The following MAPK8 variants were observed in gnomAD, a reference collection of about 807,000 sequenced individuals.
The protein encoded by MAPK8 is mitogen-activated protein kinase 8, also known as JUN N-terminal kinase.
Under a neutral mutation model 52.9 loss-of-function variants are expected in MAPK8, and 13 were observed. The ratio of observed to expected loss-of-function variants is 0.25; its 90% CI spans 0.16 to 0.39. MAPK8 has a LOEUF of 0.39. Among genes scored for constraint, MAPK8 ranks in the 10% least tolerant of loss-of-function variants. The pLI is 1.00. For missense variants in MAPK8, 300 were observed against 519.2 expected (o/e 0.58, Z 4.10); for synonymous variants, 191 against 169.8 (o/e 1.12, Z -0.97).
intron 1 of MAPK8, among the ~76,000 whole-genome samples, chr10:48,374,882 A>C (rs2132664215): frequency 1.3e-5 from 2 of 152,348 alleles, no homozygotes; most frequent in African/African-American, 4.8e-5. Flanking sequence ...TCTGTAACTC[A>C]TTTTATGAGG....
At position 48,373,514 on chromosome 10, in the gene MAPK8, GAC is replaced by G. The variant is rs1195272940; in HGVS notation, c.-49-28092_-49-28091del. On this transcript the variant is annotated intron_variant, in intron 1 of 11. Transcript: ENST00000374189. The stretch of plus-strand genomic sequence containing the variant: ...TCAGGAGACCCATTTCACGTGCAAA[GAC>G]ACACATAAGCTCAAAATAAAGGGGT... 6.1e-5 allele frequency among the ~76,000 whole-genome samples: 7 copies of G among 114,778 alleles called. No homozygotes were observed. The South Asian group carries it at 1.6e-3, about 26-fold the overall frequency. The allele number at this position is 114,778 out of a possible 152,430, so 75.3% of individuals were successfully genotyped here.
intron 1 of MAPK8, among the ~76,000 whole-genome samples, chr10:48,324,503 G>GTTTTTTTTTTTTTGTTTTTTTTTTTTTTT (rs529248037): frequency 5.1e-5 from 6 of 118,016 alleles, no homozygotes; most frequent in African/African-American, 2.1e-4. Context: ...CTGTTTTCTA[G>GTTTTTTTTTTTTTGTTTTTTTTTTTTTTT]TTTTTTTTTT....
At chr10:48,342,948 A>G (rs1845444474) in intron 1 of MAPK8, among the ~76,000 whole-genome samples, 1 of 152,208 alleles carries the variant, frequency 6.6e-6, no homozygotes, top group African/African-American at 2.4e-5. Flanking sequence ...ATATAGAAAG[A>G]GAAGAGCAGT....
At chr10:48,363,034 T>A (rs965746148) in intron 1 of MAPK8, among the ~76,000 whole-genome samples, 3 of 152,164 alleles carry the variant, frequency 2.0e-5, no homozygotes, top group African/African-American at 7.2e-5. Context: ...CCGCCACACC[T>A]AGCGTGGTAT....
intron 5 of MAPK8, chr10:48,410,412 G>C (rs781403792): frequency 5.9e-6 from 2 of 341,008 alleles, no homozygotes; most frequent in Non-Finnish European, 1.1e-5. Flanking sequence ...TTGCCTTTAT[G>C]TTTCCATTTA....
At chr10:48,361,955 A>T (rs938352320) in intron 1 of MAPK8, among the ~76,000 whole-genome samples, 3 of 152,128 alleles carry the variant, frequency 2.0e-5, no homozygotes, top group African/African-American at 7.2e-5. Context: ...TTGACTAGCA[A>T]ATTTCATTGA....
At chr10:48,382,475 G>T (rs1038740091) in intron 1 of MAPK8, among the ~76,000 whole-genome samples, 1 of 151,982 alleles carries the variant, frequency 6.6e-6, no homozygotes, top group East Asian at 1.9e-4. Flanking sequence ...AGATTTCATA[G>T]CTTTGATATA....
intron 1 of MAPK8, among the ~76,000 whole-genome samples, chr10:48,385,082 A>G (rs1226454466): frequency 1.3e-5 from 2 of 152,224 alleles, no homozygotes; most frequent in African/African-American, 4.8e-5. Context: ...TTTATTGTCT[A>G]TACATTGTTG....
intron 1 of MAPK8, among the ~76,000 whole-genome samples, chr10:48,392,293 T>C (rs1589163620): frequency 6.6e-6 from 1 of 152,152 alleles, no homozygotes; most frequent in East Asian, 1.9e-4. Context: ...GAAAGGAGGA[T>C]GGGAAAATCA....
intron 1 of MAPK8, among the ~76,000 whole-genome samples, chr10:48,346,955 C>T (rs1334172988): frequency 6.6e-6 from 1 of 152,204 alleles, no homozygotes; most frequent in Non-Finnish European, 1.5e-5. Context: ...TACCCTGCCC[C>T]TTCTGCCTTG....
Position 48,369,993 on chromosome 10 carries a change from G to A in MAPK8, c.-49-31619G>A, listed in dbSNP as rs75553868. 6.4e-4 allele frequency among the ~76,000 whole-genome samples: 97 copies of A among 152,116 alleles called. 1 individual carries two copies. In the East Asian group the frequency reaches 0.017, roughly 27 times the overall value. ...CTTGAGCTATAAGGAGAAAGAGTGG[G>A]TAGAGATGATTATGACAGCGAAGTA... On this transcript the variant is annotated intron_variant, in intron 1 of 11. Transcript: ENST00000374189.
chr10:48,339,807 A>G (rs1845066889), intron 1 of MAPK8, among the ~76,000 whole-genome samples: 1 of 152,256 alleles, frequency 6.6e-6, no homozygotes, highest in Non-Finnish European at 1.5e-5. Flanking sequence ...AATAATGTGC[A>G]ACATCACTAA....
rs1298111515 is a variant in MAPK8, at chr10:48,437,955, TCAG to T, written c.*2930_*2932del. 3 of 152,258 alleles carry T rather than the reference TCAG, an allele frequency of 2.0e-5. No homozygotes were observed. The highest frequency in any genetic ancestry group is 4.1e-4 in the South Asian group (2 of 4,834). 9.4% of individuals were successfully genotyped at this position (152,258 alleles called of 1,614,324 possible). On this transcript the variant is annotated 3_prime_UTR_variant, in exon 12 of 12. Coordinates refer to ENST00000374189, the MANE Select transcript of MAPK8 (RefSeq NM_001323329.2). The stretch of plus-strand genomic sequence containing the variant: ...ACATCAGTGTCTGATAGTGAAATCA[TCAG>T]CAGGAAAGTGAAGCTCTTTCCTTGG...
chr10:48,398,636 A>T (rs2042008178), intron 1 of MAPK8, among the ~76,000 whole-genome samples: 1 of 152,254 alleles, frequency 6.6e-6, no homozygotes, highest in Non-Finnish European at 1.5e-5. Context: ...CATTTATAAT[A>T]ACCCTAAAAC....
chr10:48,330,188 A>C (rs1394413067), intron 1 of MAPK8, among the ~76,000 whole-genome samples: 2 of 152,216 alleles, frequency 1.3e-5, no homozygotes, highest in African/African-American at 2.4e-5. Context: ...ATTTTGTTTA[A>C]AAGAAATGTA....
chr10:48,317,706 G>C, intron 1 of MAPK8, among the ~76,000 whole-genome samples: 1 of 152,168 alleles, frequency 6.6e-6, no homozygotes, highest in Non-Finnish European at 1.5e-5. Flanking sequence ...AGGAGGAAAT[G>C]CAGAAAAGTT....
intron 1 of MAPK8, among the ~76,000 whole-genome samples, chr10:48,341,783 G>T (rs930540479): frequency 6.6e-6 from 1 of 152,236 alleles, no homozygotes; most frequent in East Asian, 1.9e-4. Flanking sequence ...AAAGATACCT[G>T]ATTTAGGATG....
chr10:48,348,010 C>G (rs1345278388), intron 1 of MAPK8, among the ~76,000 whole-genome samples: 1 of 152,240 alleles, frequency 6.6e-6, no homozygotes, highest in Non-Finnish European at 1.5e-5. Context: ...TACACTCCCA[C>G]TAACAGTGTA....
chr10:48,433,206 C>T lies in MAPK8; in HGVS notation c.1139-1678C>T, dbSNP rs73293530. 3.5e-3 allele frequency among the ~76,000 whole-genome samples: 530 copies of T among 152,144 alleles called. 4 individuals are homozygous for T. Among genetic ancestry groups the T allele is most frequent in the African/African-American group, 0.012 (517 of 41,508 alleles). The stretch of plus-strand genomic sequence containing the variant: ...AAGAGAAAACAAGTGTGTGTTTTTT[C>T]CCCTTAGGTACTTGATTTTTAGATT... On this transcript the variant is annotated intron_variant, in intron 11 of 11. Coordinates refer to ENST00000374189, the MANE Select transcript of MAPK8 (RefSeq NM_001323329.2).
Sources: gnomAD v4.1 joint callset for allele counts (sites outside exome capture counted in the v4.1 genomes callset) on GRCh38, gnomAD v4.1.1 for gene constraint, MANE v1.5 for transcripts, NCBI Gene and HGNC (gene_info 2026-07-23, HGNC 2026-07-21) for gene names.